The following EPB41 variants were observed in gnomAD, a reference collection of about 807,000 sequenced individuals.
EPB41 encodes erythrocyte membrane protein band 4.1.
A neutral mutation model predicts 108.0 loss-of-function variants in EPB41; 65 were observed. The ratio of observed to expected loss-of-function variants is 0.60; its 90% CI spans 0.49 to 0.74. The LOEUF is 0.74. Ranked by LOEUF, EPB41 falls within the 30% of genes least tolerant of loss-of-function variation. The pLI, the probability that EPB41 is intolerant of heterozygous loss-of-function variation, is 0.00. For synonymous variants in EPB41, 336 were observed against 358.9 expected, an observed-to-expected ratio of 0.94 and a Z score of 0.72; for missense variants, 875 against 1,037.0, an observed-to-expected ratio of 0.84 and a Z score of 2.15.
At chr1:28,938,847 A>G (rs2094159082) in intron 1 of EPB41, among the ~76,000 whole-genome samples, 1 of 152,224 alleles carries the variant, frequency 6.6e-6, no homozygotes, top group Non-Finnish European at 1.5e-5. Flanking sequence ...ACCTTGGTTA[A>G]CTTGCTTGTT....
At chr1:28,997,673 TTGAA>T (rs2096211831) in intron 4 of EPB41, among the ~76,000 whole-genome samples, 1 of 152,054 alleles carries the variant, frequency 6.6e-6, no homozygotes, top group South Asian at 2.1e-4. Context: ...CAAATATTTG[TTGAA>T]TGGATGATCT....
intron 16 of EPB41, chr1:29,096,569 G>C: frequency 1.0e-6 from 1 of 985,674 alleles, no homozygotes; most frequent in South Asian, 4.7e-5. Context: ...CTTTCATGTG[G>C]GTAACCAGTT....
rs1022877496 is a variant in EPB41 at position 28,887,918 on chromosome 1, G to T, written c.-8+708G>T. On this transcript the variant is annotated intron_variant, in intron 1 of 16. Transcript: ENST00000347529. This position sits in a 1 kb window ranked among gnomAD's most constrained non-coding sequence, Gnocchi z 4.9. The stretch of plus-strand genomic sequence containing the variant: ...GGGTTCCCTGTATCTCTCATCTGTC[G>T]TCTCTGTTTTGCTGTCTTTTCCTGT... Among the ~76,000 whole-genome samples, 2 of 152,204 alleles carry T rather than the reference G, an allele frequency of 1.3e-5. No homozygotes were observed. The highest frequency in any genetic ancestry group is 2.9e-5 in the Non-Finnish European group (2 of 68,024).
intron 11 of EPB41, among the ~76,000 whole-genome samples, chr1:29,046,646 G>T (rs1339818013): frequency 2.6e-5 from 4 of 152,202 alleles, no homozygotes; most frequent in Non-Finnish European, 4.4e-5. Flanking sequence ...TAGGGCAAAA[G>T]CTTCAGTATT....
At chr1:29,052,540 C>T (rs572828409) in intron 11 of EPB41, among the ~76,000 whole-genome samples, 1 of 152,288 alleles carries the variant, frequency 6.6e-6, no homozygotes, top group African/African-American at 2.4e-5. Flanking sequence ...GCATCTGGTT[C>T]AAATATTTGT....
intron 1 of EPB41, among the ~76,000 whole-genome samples, chr1:28,983,517 A>G (rs2095804164): frequency 2.0e-5 from 3 of 152,156 alleles, no homozygotes; most frequent in Non-Finnish European, 4.4e-5. Flanking sequence ...CTTATAGTGA[A>G]GCAGGATATT....
chr1:29,061,698 A>G (rs946548234), intron 15 of EPB41, among the ~76,000 whole-genome samples: 4 of 147,500 alleles, frequency 2.7e-5, no homozygotes, highest in Non-Finnish European at 5.9e-5. Context: ...TCCCATCTCA[A>G]TCTCCTGAAT....
intron 1 of EPB41, among the ~76,000 whole-genome samples, chr1:28,974,586 C>T (rs750086928): frequency 3.3e-5 from 5 of 151,794 alleles, no homozygotes; most frequent in Admixed American, 6.6e-5. Context: ...AGAGTGTATA[C>T]GATGAACAGA....
chr1:28,901,103 G>C (rs2091250580), intron 1 of EPB41, among the ~76,000 whole-genome samples: 1 of 151,086 alleles, frequency 6.6e-6, no homozygotes, highest in Non-Finnish European at 1.5e-5. Flanking sequence ...CTAATTTTTT[G>C]TATTTTTAGT....
intron 1 of EPB41, among the ~76,000 whole-genome samples, chr1:28,975,694 C>T (rs1167361856): frequency 3.9e-5 from 6 of 152,016 alleles, no homozygotes; most frequent in Admixed American, 6.6e-5. Flanking sequence ...TGTGGCCAGG[C>T]GCGGTGGCTC....
intron 1 of EPB41, among the ~76,000 whole-genome samples, chr1:28,927,169 T>C (rs2093492068): frequency 6.6e-6 from 1 of 152,220 alleles, no homozygotes; most frequent in African/African-American, 2.4e-5. Flanking sequence ...ATCTGAAGTG[T>C]AGCTTTTAGC....
At chr1:29,068,833 C>T in intron 16 of EPB41, 1 of 1,208,386 alleles carries the variant, frequency 8.3e-7, no homozygotes, top group South Asian at 4.2e-5. Context: ...TTGCTCTTGT[C>T]ATGGCACTAA....
intron 17 of EPB41, among the ~76,000 whole-genome samples, chr1:29,102,147 T>G (rs1036116647): frequency 3.9e-5 from 6 of 152,224 alleles, no homozygotes; most frequent in Non-Finnish European, 8.8e-5. Flanking sequence ...TTACTTCATA[T>G]GGCAGAATCC....
At chr1:29,038,838 G>C (rs540833333) in intron 10 of EPB41, among the ~76,000 whole-genome samples, 2 of 152,212 alleles carry the variant, frequency 1.3e-5, no homozygotes, top group Non-Finnish European at 2.9e-5. Context: ...TGACAAAACT[G>C]TCATTCCAGG....
At chr1:28,951,336 A>G (rs1003453969) in intron 1 of EPB41, among the ~76,000 whole-genome samples, 8 of 148,182 alleles carry the variant, frequency 5.4e-5, no homozygotes, top group African/African-American at 2.0e-4. Flanking sequence ...AACAACCCCA[A>G]CTCTTACACA....
rs139954083 is a variant in EPB41, at chr1:28,980,273, G to A, written c.-7-7158G>A. Among the ~76,000 whole-genome samples, 430 of 152,260 alleles carry A rather than the reference G, an allele frequency of 2.8e-3. 1 individual carries two copies. The highest frequency in any genetic ancestry group is 5.1e-3 in the Non-Finnish European group (349 of 68,020). ...GGATGGTTTGAGCCGGGGAGATGGA[G>A]GTTGCAGTGAGCTGAGATTATGCCA... is the stretch of plus-strand genomic sequence containing the variant. On this transcript the variant is annotated intron_variant, in intron 1 of 20. Coordinates refer to ENST00000343067, the MANE Select transcript of EPB41 (RefSeq NM_001376013.1).
At chr1:28,992,599 G>GA (rs1489468519) in intron 2 of EPB41, among the ~76,000 whole-genome samples, 1 of 152,188 alleles carries the variant, frequency 6.6e-6, no homozygotes, top group African/African-American at 2.4e-5. Context: ...CCAGGCAGGA[G>GA]AATCGCTTGA....
chr1:28,985,826 T>C (rs1019016718), intron 1 of EPB41: 2 of 152,054 alleles, frequency 1.3e-5, no homozygotes, highest in Non-Finnish European at 2.9e-5. Flanking sequence ...TTTTTTTTTA[T>C]TTTAAAATTT....
At chr1:29,007,194 C>T (rs763525518) in intron 4 of EPB41, among the ~76,000 whole-genome samples, 31 of 152,114 alleles carry the variant, frequency 2.0e-4, no homozygotes, top group Non-Finnish European at 3.5e-4. Context: ...CTGGCTCAAG[C>T]GATCCTCCTG....
Sources: gnomAD v4.1 joint callset for allele counts (sites outside exome capture counted in the v4.1 genomes callset) on GRCh38, gnomAD v4.1.1 for gene constraint, Gnocchi (gnomAD v3.1) non-coding constraint, MANE v1.5 for transcripts, NCBI Gene and HGNC (gene_info 2026-07-23, HGNC 2026-07-21) for gene names.